The following FAAP20 variants were observed in gnomAD, a reference collection of about 807,000 sequenced individuals.
The protein encoded by FAAP20 is Fanconi anemia core complex-associated protein 20.
FAAP20 carries 12 observed loss-of-function variants against 16.2 expected under a neutral mutation model. That is an observed-to-expected ratio of 0.74 (90% CI 0.48 to 1.20). The LOEUF (loss-of-function observed/expected upper bound fraction) is 1.20. FAAP20 is among the 50% of genes most tolerant of loss of function. The pLI is 0.00. For missense variants in FAAP20, 288 were observed against 245.8 expected, an observed-to-expected ratio of 1.17 and a Z score of -1.15; for synonymous variants, 141 against 110.7, an observed-to-expected ratio of 1.27 and a Z score of -1.72.
At position 2,193,680 on chromosome 1, in the gene FAAP20, G is replaced by C. The variant is rs772771641; in HGVS notation, c.429C>G (p.Ala143=). 1.7e-5 allele frequency: 28 copies of C among 1,600,546 alleles called. 1 individual carries two copies. In the East Asian group the frequency reaches 2.0e-4, roughly 11 times the overall value. Residue 143 remains alanine (A), a synonymous_variant, in exon 3 of 4, where the codon GCC becomes GCG. Transcript: ENST00000378546. ...TCTGGCACATGGGGCAGCTGCGCAG[G>C]GCCGCGGCACCCTCCACAGACGGCT... ...EQQPSVEGAA[A]LRSCPMCQKE... is the part of the protein sequence containing the mutation.
downstream of FAAP20, among the ~76,000 whole-genome samples, chr1:2,210,481 G>A (rs1238555185): frequency 3.9e-5 from 6 of 152,154 alleles, no homozygotes; most frequent in African/African-American, 1.2e-4. Context: ...CTTTGGGGAG[G>A]AGGCCAGGTG....
At chr1:2,185,015 C>T (rs190441951), downstream of FAAP20, 88 of 1,609,202 alleles carry the variant, frequency 5.5e-5, no homozygotes, top group Admixed American at 1.1e-3. Context: ...TGTGAGGCCG[C>T]GTGCGTCTCT....
chr1:2,196,572 G>C (rs1688835136), upstream of FAAP20, among the ~76,000 whole-genome samples: 1 of 151,802 alleles, frequency 6.6e-6, no homozygotes, highest in Non-Finnish European at 1.5e-5. This position sits in a 1 kb window ranked among gnomAD's most constrained non-coding sequence, Gnocchi z 4.5. Flanking sequence ...AGGTGTGGTG[G>C]CTCAAGCCTG....
At chr1:2,205,960 G>A (rs566843652) in intron 3 of FAAP20, among the ~76,000 whole-genome samples, 1 of 152,414 alleles carries the variant, frequency 6.6e-6, no homozygotes, top group East Asian at 1.9e-4. Context: ...TGAGAGCCGA[G>A]CTCTCGGCAG....
downstream of FAAP20, among the ~76,000 whole-genome samples, chr1:2,209,677 C>T (rs764859265): frequency 9.2e-5 from 14 of 152,202 alleles, no homozygotes; most frequent in Non-Finnish European, 1.5e-4. Context: ...CCGAGGCACA[C>T]GAAGTTCAGG....
chr1:2,189,672 C>A lies in FAAP20; in HGVS notation c.*37G>T. 1 of 1,589,308 alleles carries A rather than the reference C, an allele frequency of 6.3e-7. No individual in the cohort carries two copies. Among genetic ancestry groups the A allele is most frequent in the Non-Finnish European group, 8.6e-7 (1 of 1,159,754 alleles). On this transcript the variant is annotated 3_prime_UTR_variant, in exon 4 of 4. Coordinates refer to ENST00000378546, the MANE Select transcript of FAAP20 (RefSeq NM_182533.4). ...GGCTGCTGGCGGGGGAGAGCGTGTC[C>A]GGGCGCCGCACTCTGCGCAGGGCTC... is the stretch of plus-strand genomic sequence containing the variant.
chr1:2,193,330 G>A (rs924808812), intron 3 of FAAP20: 2 of 521,216 alleles, frequency 3.8e-6, no homozygotes, highest in Admixed American at 3.7e-5. Flanking sequence ...CTCTGGGCCT[G>A]GGGACGCTGG....
At chr1:2,188,452 T>A (rs1572093596), downstream of FAAP20, among the ~76,000 whole-genome samples, 1 of 152,154 alleles carries the variant, frequency 6.6e-6, no homozygotes. Context: ...TCAACCAGAC[T>A]CTCTCGGCTC....
At chr1:2,209,702 C>T (rs1689384233), downstream of FAAP20, among the ~76,000 whole-genome samples, 1 of 152,220 alleles carries the variant, frequency 6.6e-6, no homozygotes, top group African/African-American at 2.4e-5. Context: ...CTGCTTGGTG[C>T]TGGTGGCGTT....
upstream of FAAP20, among the ~76,000 whole-genome samples, chr1:2,196,896 C>A (rs968243173): frequency 6.6e-6 from 1 of 152,090 alleles, no homozygotes; most frequent in African/African-American, 2.4e-5. The surrounding 1 kb of genome is among the most constrained non-coding windows in gnomAD (Gnocchi z 4.5). Context: ...TTGCTCAGCT[C>A]TCTGTGCCGT....
At chr1:2,210,723 C>G (rs555305912), downstream of FAAP20, among the ~76,000 whole-genome samples, 53 of 152,346 alleles carry the variant, frequency 3.5e-4, no homozygotes, top group Admixed American at 5.9e-4. Flanking sequence ...TGCACCAGGG[C>G]TGGGGCTCTT....
chr1:2,188,718 A>G (rs1447147425), downstream of FAAP20, among the ~76,000 whole-genome samples: 1 of 152,030 alleles, frequency 6.6e-6, no homozygotes, highest in Non-Finnish European at 1.5e-5. Context: ...TTAAAACACC[A>G]CCGATGGTGG....
At chr1:2,199,744 G>T, upstream of FAAP20, 1 of 694,448 alleles carries the variant, frequency 1.4e-6, no homozygotes. This position sits in a 1 kb window ranked among gnomAD's most constrained non-coding sequence, Gnocchi z 4.5. Flanking sequence ...TACTGGGTTA[G>T]GGTTGGCCCT....
chr1:2,199,390 TCCCCA>T, upstream of FAAP20: 1 of 1,019,618 alleles, frequency 9.8e-7, no homozygotes, highest in Non-Finnish European at 1.2e-6. The surrounding 1 kb of genome is among the most constrained non-coding windows in gnomAD (Gnocchi z 4.5). Flanking sequence ...CGGAGAAGCT[TCCCCA>T]GCCCAGCCCA....
At chr1:2,202,802 T>C (rs1194858716), upstream of FAAP20, among the ~76,000 whole-genome samples, 3 of 152,084 alleles carry the variant, frequency 2.0e-5, no homozygotes, top group Non-Finnish European at 1.5e-5. Context: ...TTTGTAAAGA[T>C]AGGGTCTCAT....
In FAAP20 at chr1:2,189,631, G is replaced by C. The variant is rs1465640496; in HGVS notation, c.*78C>G. On this transcript the variant is annotated 3_prime_UTR_variant, in exon 4 of 4. Coordinates refer to ENST00000378546, the MANE Select transcript of FAAP20 (RefSeq NM_182533.4). The stretch of plus-strand genomic sequence containing the variant: ...AGCCGAGAGGCGGGGCTGCTGGCGG[G>C]GGAGCCGAGAGGCGGGGCTGCTGGC... 1.6e-6 allele frequency: 2 copies of C among 1,223,248 alleles called. No homozygotes were observed. 75.8% of individuals were successfully genotyped at this position (1,223,248 alleles called of 1,614,324 possible). A position where few individuals can be genotyped will look rare whatever the true frequency, so the allele number is the denominator to read the frequency against.
intron 3 of FAAP20, 118 bp downstream of exon 3, chr1:2,193,521 G>T: frequency 6.9e-7 from 1 of 1,457,028 alleles, no homozygotes; most frequent in Non-Finnish European, 9.2e-7. Flanking sequence ...CACCTTTCCA[G>T]TGTGAAACAG....
At chr1:2,200,607 G>T, upstream of FAAP20, 4 of 981,080 alleles carry the variant, frequency 4.1e-6, no homozygotes, top group Non-Finnish European at 4.8e-6. Context: ...GAATATACAT[G>T]TCACTCGTTT....
rs144671392 is a variant in FAAP20 at position 2,194,101 on chromosome 1, C to A, written c.95G>T (p.Gly32Val). Residue 32 changes from glycine (G) to valine (V), a missense_variant, in exon 2 of 4, where the codon GGG becomes GTG. By Grantham distance (109) the Gly-to-Val change is moderately radical. Transcript: ENST00000378546. ...CCAGAGCCGCTCCCGCTCATCACCC[C>A]CCAGGAGAAACCAGGGGCGGCCGCC... ...PSGGRPWFLL[G>V]GDERERLWAE... 3 of 1,612,500 alleles carry A rather than the reference C, an allele frequency of 1.9e-6. No homozygotes were observed. The highest frequency in any genetic ancestry group is 2.5e-6 in the Non-Finnish European group (3 of 1,179,906).
Sources: allele counts gnomAD v4.1 joint callset (sites outside exome capture counted in the v4.1 genomes callset), GRCh38; gene constraint gnomAD v4.1.1; non-coding constraint Gnocchi (gnomAD v3.1); transcripts MANE v1.5; gene names NCBI Gene and HGNC (gene_info 2026-07-23, HGNC 2026-07-21).